Variants in HNRNPC observed in about 807,000 individuals in gnomAD.
The protein encoded by HNRNPC is heterogeneous nuclear ribonucleoprotein C.
HNRNPC carries 3 observed loss-of-function variants against 33.2 expected under a neutral mutation model. The ratio of observed to expected loss-of-function variants is 0.09; its 90% CI spans 0.04 to 0.23. HNRNPC has a LOEUF of 0.23. Among genes scored for constraint, HNRNPC ranks in the 10% least tolerant of loss-of-function variants. HNRNPC has a pLI of 1.00. For synonymous variants in HNRNPC, 121 were observed against 126.7 expected, an observed-to-expected ratio of 0.96 and a Z score of 0.30; for missense variants, 143 against 366.7, an observed-to-expected ratio of 0.39 and a Z score of 4.98.
At chr14:21,261,593 G>A (rs985103029) in intron 2 of HNRNPC, among the ~76,000 whole-genome samples, 2 of 152,092 alleles carry the variant, frequency 1.3e-5, no homozygotes, top group African/African-American at 2.4e-5. Context: ...TACCGAATAT[G>A]CCTTCAAAAA....
chr14:21,232,090 G>A (rs1894182243), intron 3 of HNRNPC, among the ~76,000 whole-genome samples: 1 of 151,998 alleles, frequency 6.6e-6, no homozygotes, highest in African/African-American at 2.4e-5. Flanking sequence ...AGAGCAAAGG[G>A]AAACAACCCT....
chr14:21,240,724 T>C (rs1280179238), intron 2 of HNRNPC, among the ~76,000 whole-genome samples: 1 of 152,178 alleles, frequency 6.6e-6, no homozygotes, highest in Non-Finnish European at 1.5e-5. Flanking sequence ...AGTGCAAAAG[T>C]ATACAAGTTA....
chr14:21,268,921 T>A (rs759110158), intron 1 of HNRNPC, among the ~76,000 whole-genome samples: 5 of 151,956 alleles, frequency 3.3e-5, no homozygotes, highest in Non-Finnish European at 7.4e-5. Flanking sequence ...ACTTTTTACA[T>A]GTAAGAAGAA....
At chr14:21,256,074 G>T (rs1173936539) in intron 2 of HNRNPC, among the ~76,000 whole-genome samples, 1 of 151,900 alleles carries the variant, frequency 6.6e-6, no homozygotes, top group Non-Finnish European at 1.5e-5. Flanking sequence ...AATCACGTGG[G>T]ATGCCCTGTA....
At chr14:21,267,639 G>T (rs997860195) in intron 1 of HNRNPC, among the ~76,000 whole-genome samples, 1 of 152,118 alleles carries the variant, frequency 6.6e-6, no homozygotes, top group African/African-American at 2.4e-5. Flanking sequence ...CGCCTATCTA[G>T]TTGAGAACAC....
intron 2 of HNRNPC, among the ~76,000 whole-genome samples, chr14:21,258,474 G>T (rs1217092430): frequency 6.6e-6 from 1 of 152,010 alleles, no homozygotes; most frequent in Non-Finnish European, 1.5e-5. Context: ...TTAATCCCAG[G>T]GTTGAATCCA....
chr14:21,257,888 T>C (rs1003623738), intron 2 of HNRNPC, among the ~76,000 whole-genome samples: 1 of 152,158 alleles, frequency 6.6e-6, no homozygotes, highest in Non-Finnish European at 1.5e-5. Flanking sequence ...ATGTGCTTGC[T>C]TCCCTATTAA....
intron 1 of HNRNPC, chr14:21,268,775 G>C (rs1193017309): frequency 6.6e-6 from 1 of 152,162 alleles, no homozygotes; most frequent in Admixed American, 6.5e-5. Flanking sequence ...TTTGCTCATA[G>C]AGAGAAATAA....
intron 2 of HNRNPC, among the ~76,000 whole-genome samples, chr14:21,243,985 A>AT (rs1334747153): frequency 1.3e-5 from 2 of 152,148 alleles, no homozygotes; most frequent in Non-Finnish European, 2.9e-5. Context: ...TGCTGATGAC[A>AT]TAAGTAAATG....
At chr14:21,226,364 A>G (rs1893444171) in intron 5 of HNRNPC, among the ~76,000 whole-genome samples, 1 of 151,284 alleles carries the variant, frequency 6.6e-6, no homozygotes, top group African/African-American at 2.4e-5. Flanking sequence ...GAATAGTACC[A>G]GGGTAGCTGT....
chr14:21,254,423 T>C (rs1294549846), intron 2 of HNRNPC: 1 of 152,178 alleles, frequency 6.6e-6, no homozygotes, highest in South Asian at 2.1e-4. Context: ...TTGAAGTTTA[T>C]ATAAGCCCCA....
chr14:21,262,171 T>C (rs1434086281), intron 2 of HNRNPC, among the ~76,000 whole-genome samples: 1 of 152,230 alleles, frequency 6.6e-6, no homozygotes, highest in Non-Finnish European at 1.5e-5. Context: ...TTGTATCTCC[T>C]ATGGTTTGAC....
At chr14:21,222,992 T>A (rs1594220917) in intron 5 of HNRNPC, among the ~76,000 whole-genome samples, 1 of 151,822 alleles carries the variant, frequency 6.6e-6, no homozygotes, top group Non-Finnish European at 1.5e-5. Context: ...CGAGGTCAGG[T>A]GTTCGAGACT....
At chr14:21,252,702 C>A (rs1338207051) in intron 2 of HNRNPC, among the ~76,000 whole-genome samples, 1 of 152,096 alleles carries the variant, frequency 6.6e-6, no homozygotes, top group East Asian at 1.9e-4. Context: ...TTAAAATACA[C>A]ACTGAAATAT....
In HNRNPC at chr14:21,209,308, C is replaced by T. The variant is rs1288838775; in HGVS notation, c.*1915G>A. On this transcript the variant is annotated 3_prime_UTR_variant, in exon 9 of 9. Transcript: ENST00000553300. ...AGACTGCTCTGTGCAGGGAGAGGCC[C>T]TACAGTGAAGGGAAAAGTAGACACT... 6.6e-6 allele frequency: 1 copy of T among 152,132 alleles called. No homozygotes were observed. Among genetic ancestry groups the T allele is most frequent in the Non-Finnish European group, 1.5e-5 (1 of 68,010 alleles). 9.4% of individuals were successfully genotyped at this position (152,132 alleles called of 1,614,324 possible).
intron 2 of HNRNPC, among the ~76,000 whole-genome samples, chr14:21,261,264 C>T (rs1820444136): frequency 6.6e-6 from 1 of 152,142 alleles, no homozygotes; most frequent in African/African-American, 2.4e-5. Flanking sequence ...TATCCCCAAA[C>T]ACAACATGTC....
At chr14:21,239,990 T>A (rs1394018402) in intron 2 of HNRNPC, among the ~76,000 whole-genome samples, 2 of 152,228 alleles carry the variant, frequency 1.3e-5, no homozygotes, top group Non-Finnish European at 2.9e-5. Flanking sequence ...CAGGTTCTTA[T>A]TCCTGTTTTT....
chr14:21,254,757 T>C (rs1005750082), intron 2 of HNRNPC, among the ~76,000 whole-genome samples: 12 of 151,892 alleles, frequency 7.9e-5, no homozygotes, highest in African/African-American at 2.4e-4. Flanking sequence ...AATACAAAAA[T>C]TAGCCAGGCG....
At chr14:21,220,965 T>C (rs752308711) in intron 5 of HNRNPC, among the ~76,000 whole-genome samples, 3 of 152,138 alleles carry the variant, frequency 2.0e-5, no homozygotes, top group Non-Finnish European at 2.9e-5. Flanking sequence ...CGCGCCGGTA[T>C]TCCCAGGAAC....
Sources: gnomAD v4.1 joint callset for allele counts (sites outside exome capture counted in the v4.1 genomes callset) on GRCh38, gnomAD v4.1.1 for gene constraint, MANE v1.5 for transcripts, NCBI Gene and HGNC (gene_info 2026-07-23, HGNC 2026-07-21) for gene names.